The following HOOK3 variants were observed in gnomAD, a reference collection of about 807,000 sequenced individuals.
The protein encoded by HOOK3 is hook microtubule tethering protein 3.
Under a neutral mutation model 116.3 loss-of-function variants are expected in HOOK3, and 24 were observed. The ratio of observed to expected loss-of-function variants is 0.21; its 90% CI spans 0.15 to 0.29. HOOK3 has a LOEUF of 0.29. Among genes scored for constraint, HOOK3 ranks in the 10% least tolerant of loss-of-function variants. HOOK3 has a pLI of 1.00. For synonymous variants in HOOK3, 275 were observed against 283.0 expected, an observed-to-expected ratio of 0.97 and a Z score of 0.28; for missense variants, 632 against 830.2, an observed-to-expected ratio of 0.76 and a Z score of 2.93.
intron 11 of HOOK3, among the ~76,000 whole-genome samples, chr8:42,969,052 CAGTT>C (rs1302936214): frequency 2.0e-5 from 3 of 152,130 alleles, no homozygotes; most frequent in East Asian, 1.9e-4. Context: ...GCTGCTCTCT[CAGTT>C]AGTCTCTGTA....
At chr8:43,007,814 C>T (rs1297863723) in intron 17 of HOOK3, 33 bp from the exon 18 acceptor site, 15 of 1,328,190 alleles carry the variant, frequency 1.1e-5, no homozygotes, top group South Asian at 4.6e-5. Flanking sequence ...ATTACAGAAG[C>T]AGTAGTAGGT....
chr8:42,916,573 A>G (rs906544783), intron 2 of HOOK3, among the ~76,000 whole-genome samples: 1 of 152,202 alleles, frequency 6.6e-6, no homozygotes, highest in Non-Finnish European at 1.5e-5. Flanking sequence ...GTCACATCCT[A>G]TTCCCACTTT....
chr8:42,959,345 T>C, intron 8 of HOOK3, 31 bp downstream of exon 8: 2 of 1,344,226 alleles, frequency 1.5e-6, no homozygotes, highest in South Asian at 1.2e-5. Context: ...ACCACCTCTT[T>C]GAAACATACC....
chr8:42,945,058 A>G (rs771060931), intron 5 of HOOK3, among the ~76,000 whole-genome samples: 2 of 152,048 alleles, frequency 1.3e-5, no homozygotes, highest in East Asian at 1.9e-4. Context: ...ATGAATTTCA[A>G]CTCGTTTCCA....
chr8:42,964,004 A>C (rs35168459), intron 8 of HOOK3, among the ~76,000 whole-genome samples: 7,298 of 152,186 alleles, frequency 0.048, 232 homozygotes, highest in South Asian at 0.087. Context: ...TCAAGAGATC[A>C]AGACCATTCT....
chr8:42,989,989 AT>A (rs147203067), intron 15 of HOOK3, among the ~76,000 whole-genome samples: 2,468 of 152,050 alleles, frequency 0.016, 33 homozygotes, highest in Non-Finnish European at 0.026. Context: ...GTGCCTATTA[AT>A]TTTTTTATTT....
At chr8:42,988,444 T>C (rs1171927895) in intron 15 of HOOK3, among the ~76,000 whole-genome samples, 2 of 152,200 alleles carry the variant, frequency 1.3e-5, no homozygotes, top group African/African-American at 4.8e-5. Context: ...GCTTTATAAT[T>C]GTTGCTCTTT....
chr8:43,002,470 G>A (rs544990263), intron 17 of HOOK3, among the ~76,000 whole-genome samples: 72 of 152,286 alleles, frequency 4.7e-4, no homozygotes, highest in African/African-American at 1.6e-3. Context: ...GGAGTTGAAA[G>A]CTGGTCTCTG....
chr8:42,937,533 A>C (rs1807996543), intron 4 of HOOK3, among the ~76,000 whole-genome samples: 2 of 152,168 alleles, frequency 1.3e-5, no homozygotes, highest in Admixed American at 6.5e-5. Context: ...ATTTAGTGCT[A>C]TAAATTTCCC....
intron 12 of HOOK3, 42 bp downstream of exon 12, chr8:42,973,441 A>G: frequency 8.0e-7 from 1 of 1,254,876 alleles, no homozygotes. Context: ...AGCACTGCTA[A>G]AATTAAGGCG....
At chr8:42,988,143 CAGA>C (rs1442727126) in intron 15 of HOOK3, among the ~76,000 whole-genome samples, 1 of 152,066 alleles carries the variant, frequency 6.6e-6, no homozygotes, top group African/African-American at 2.4e-5. Context: ...CAAGCATAAA[CAGA>C]AGGAGAAAAT....
intron 14 of HOOK3, among the ~76,000 whole-genome samples, chr8:42,985,198 T>G (rs553564992): frequency 7.4e-4 from 113 of 152,160 alleles, no homozygotes; most frequent in Non-Finnish European, 1.5e-3. Flanking sequence ...GCACCTATCT[T>G]TTGATCCAAA....
chr8:42,901,284 G>C (rs1807183894), intron 1 of HOOK3, among the ~76,000 whole-genome samples: 1 of 152,200 alleles, frequency 6.6e-6, no homozygotes, highest in South Asian at 2.1e-4. Flanking sequence ...CCTTCAGGTA[G>C]AGTTTCATGC....
chr8:42,959,434 A>G (rs1278833694), intron 8 of HOOK3, 120 bp downstream of exon 8: 1 of 654,692 alleles, frequency 1.5e-6, no homozygotes, highest in Non-Finnish European at 2.6e-6. Flanking sequence ...TTAGGGAAAA[A>G]ATGGCTGGGC....
rs1386073634 is a variant in HOOK3 at position 43,026,219 on chromosome 8, T to C, written c.*7721T>C. The C allele has an allele frequency of 4.9e-6, 1 of 202,364 alleles. No homozygotes were observed. The highest frequency in any genetic ancestry group is 6.0e-5 in the Admixed American group (1 of 16,646). 12.5% of individuals were successfully genotyped at this position (202,364 alleles called of 1,614,324 possible). ...TTGTCAACCCATGGGTAGTGATTAC[T>C]CCGTGTACATTCTATAGTGTGTGTA... On this transcript the variant is annotated 3_prime_UTR_variant, in exon 22 of 22. Transcript: ENST00000307602.
At chr8:42,900,472 T>C (rs370114550) in intron 1 of HOOK3, among the ~76,000 whole-genome samples, 2 of 152,366 alleles carry the variant, frequency 1.3e-5, no homozygotes, top group East Asian at 3.9e-4. Context: ...TATGTCCTTA[T>C]TGTTTTCATA....
intron 5 of HOOK3, among the ~76,000 whole-genome samples, chr8:42,946,561 T>C (rs1176865511): frequency 1.3e-5 from 2 of 152,104 alleles, no homozygotes; most frequent in Non-Finnish European, 2.9e-5. Context: ...GTTTCCCCAC[T>C]GTTTACCCCT....
At chr8:42,983,841 C>A (rs1808998054) in intron 14 of HOOK3, among the ~76,000 whole-genome samples, 1 of 152,090 alleles carries the variant, frequency 6.6e-6, no homozygotes, top group Admixed American at 6.5e-5. Flanking sequence ...GGGGGAGACA[C>A]CAATTGTCCA....
At chr8:42,965,667 GA>G (rs1808620402) in intron 9 of HOOK3, among the ~76,000 whole-genome samples, 1 of 151,988 alleles carries the variant, frequency 6.6e-6, no homozygotes, top group Admixed American at 6.6e-5. Context: ...ACATCAATTA[GA>G]TTTTTACTTT....
Sources: gnomAD v4.1 joint callset for allele counts (sites outside exome capture counted in the v4.1 genomes callset) on GRCh38, gnomAD v4.1.1 for gene constraint, MANE v1.5 for transcripts, NCBI Gene and HGNC (gene_info 2026-07-23, HGNC 2026-07-21) for gene names.